The following SKAP1 variants were observed in gnomAD, a reference collection of about 807,000 sequenced individuals.
The protein encoded by SKAP1 is src kinase-associated phosphoprotein 1.
SKAP1 carries 44 observed loss-of-function variants against 58.5 expected under a neutral mutation model. That is an observed-to-expected ratio of 0.75 (90% CI 0.59 to 0.97). The LOEUF is 0.97. Ranked by LOEUF, SKAP1 falls within the 50% of genes least tolerant of loss-of-function variation. The pLI, the probability that SKAP1 is intolerant of heterozygous loss-of-function variation, is 0.00. For missense variants in SKAP1, 390 were observed against 435.2 expected (o/e 0.90, Z 0.92); for synonymous variants, 127 against 149.7 (o/e 0.85, Z 1.11).
At chr17:48,242,582 A>AT (rs1283723786) in intron 4 of SKAP1, among the ~76,000 whole-genome samples, 1 of 152,074 alleles carries the variant, frequency 6.6e-6, no homozygotes, top group Non-Finnish European at 1.5e-5. Flanking sequence ...AACACTCTCC[A>AT]TTTTTTATTT....
At chr17:48,303,122 C>T (rs181685737) in intron 4 of SKAP1, among the ~76,000 whole-genome samples, 3 of 152,274 alleles carry the variant, frequency 2.0e-5, no homozygotes. Context: ...AGTCACTGAA[C>T]AGATTGTTCT....
chr17:48,281,012 T>A (rs1470721274), intron 4 of SKAP1, among the ~76,000 whole-genome samples: 7 of 151,928 alleles, frequency 4.6e-5, no homozygotes, highest in Admixed American at 3.9e-4. Context: ...CAGGTTTTTT[T>A]ACTTTTTTAT....
chr17:48,413,240 C>T (rs932165373), intron 1 of SKAP1, among the ~76,000 whole-genome samples: 4 of 151,660 alleles, frequency 2.6e-5, no homozygotes, highest in Admixed American at 6.6e-5. Context: ...CAGGGCTGGG[C>T]GCAGTAGCTC....
chr17:48,371,061 A>C (rs1385780342), intron 2 of SKAP1, among the ~76,000 whole-genome samples: 2 of 152,222 alleles, frequency 1.3e-5, no homozygotes, highest in Non-Finnish European at 2.9e-5. Flanking sequence ...TCTCACTTAT[A>C]AGCGGGAGCT....
chr17:48,254,896 G>A (rs1344801043), intron 4 of SKAP1, among the ~76,000 whole-genome samples: 1 of 151,930 alleles, frequency 6.6e-6, no homozygotes, highest in Non-Finnish European at 1.5e-5. Flanking sequence ...TCTATGATAT[G>A]ATCCCAAGAG....
chr17:48,426,347 C>T (rs189262481), intron 1 of SKAP1, among the ~76,000 whole-genome samples: 15 of 152,322 alleles, frequency 9.8e-5, no homozygotes, highest in Admixed American at 9.2e-4. Context: ...GGATTTAGTA[C>T]CATGTAGGCA....
intron 11 of SKAP1, among the ~76,000 whole-genome samples, chr17:48,139,199 T>A (rs942762429): frequency 6.7e-6 from 1 of 148,618 alleles, no homozygotes; most frequent in Non-Finnish European, 1.5e-5. Context: ...TTTTTTTTTT[T>A]GAGATGGAGT....
At chr17:48,228,499 C>T (rs2065093877) in intron 4 of SKAP1, among the ~76,000 whole-genome samples, 1 of 152,042 alleles carries the variant, frequency 6.6e-6, no homozygotes, top group Non-Finnish European at 1.5e-5. Context: ...CAAATCATAC[C>T]CAATAGATAG....
intron 4 of SKAP1, among the ~76,000 whole-genome samples, chr17:48,343,402 T>C (rs1947750037): frequency 6.6e-6 from 1 of 152,296 alleles, no homozygotes; most frequent in East Asian, 1.9e-4. Flanking sequence ...ATTGTGCCTG[T>C]TATGTATTAG....
rs145314055 is a variant in SKAP1 at position 48,173,221 on chromosome 17, A to AATAT, written c.827-2566_827-2563dup. Reference sequence around the variant, plus strand: ...AAAGGACGGATACTCTGGGAAATAAAATATATATATATATGCCCTACAATA... The same window carrying AATAT: ...AAAGGACGGATACTCTGGGAAATAAAATATATATATATATATATGCCCTACAATA... On this transcript the variant is annotated intron_variant, in intron 9 of 12. Transcript: ENST00000336915. Among the ~76,000 whole-genome samples the AATAT allele has an allele frequency of 8.2e-4, 124 of 151,102 alleles. 2 individuals are homozygous for AATAT. The highest frequency in any genetic ancestry group is 2.9e-3 in the African/African-American group (118 of 41,180).
intron 4 of SKAP1, among the ~76,000 whole-genome samples, chr17:48,244,842 T>C (rs2143840148): frequency 6.6e-6 from 1 of 152,334 alleles, no homozygotes; most frequent in East Asian, 1.9e-4. Flanking sequence ...AAGAGCTGAA[T>C]AGTGTCATGG....
intron 4 of SKAP1, among the ~76,000 whole-genome samples, chr17:48,234,236 CA>C (rs1567831647): frequency 6.6e-6 from 1 of 152,210 alleles, no homozygotes; most frequent in African/African-American, 2.4e-5. Context: ...AACTTGATGT[CA>C]GCCCTCAGCT....
chr17:48,210,843 A>G (rs1453621075), intron 4 of SKAP1, among the ~76,000 whole-genome samples: 1 of 152,112 alleles, frequency 6.6e-6, no homozygotes, highest in Non-Finnish European at 1.5e-5. Flanking sequence ...TCTATTCCTC[A>G]TAGTCTCCTC....
At chr17:48,151,566 A>G (rs750965919) in intron 11 of SKAP1, among the ~76,000 whole-genome samples, 29 of 152,224 alleles carry the variant, frequency 1.9e-4, no homozygotes, top group Non-Finnish European at 3.1e-4. Context: ...TGAAATGCTG[A>G]ATATTAATTG....
chr17:48,275,865 T>G (rs2065693030), intron 4 of SKAP1, among the ~76,000 whole-genome samples: 1 of 152,220 alleles, frequency 6.6e-6, no homozygotes, highest in Non-Finnish European at 1.5e-5. Context: ...GCCTAAATCA[T>G]GTGGTTGGAC....
intron 4 of SKAP1, among the ~76,000 whole-genome samples, chr17:48,220,969 T>C (rs1185832226): frequency 1.3e-5 from 2 of 150,754 alleles, no homozygotes; most frequent in Non-Finnish European, 3.0e-5. Flanking sequence ...GTGTTCACTT[T>C]GTTAAAAAAA....
chr17:48,423,941 T>C (rs1380068707), intron 1 of SKAP1, among the ~76,000 whole-genome samples: 1 of 151,712 alleles, frequency 6.6e-6, no homozygotes, highest in Non-Finnish European at 1.5e-5. Flanking sequence ...TTTTAAGACA[T>C]TAGGGTAAAA....
intron 10 of SKAP1, 112 bp from the exon 11 acceptor site, chr17:48,162,681 A>C: frequency 1.4e-6 from 1 of 698,550 alleles, no homozygotes; most frequent in South Asian, 1.8e-5. Flanking sequence ...AGGAAACCTC[A>C]GATTAAGGGG....
At chr17:48,168,857 G>C (rs1163267154) in intron 10 of SKAP1, among the ~76,000 whole-genome samples, 7 of 152,174 alleles carry the variant, frequency 4.6e-5, no homozygotes, top group African/African-American at 1.7e-4. Flanking sequence ...TTGGATTTAT[G>C]TATTTTTCAC....
Sources: gnomAD v4.1 joint callset for allele counts (sites outside exome capture counted in the v4.1 genomes callset) on GRCh38, gnomAD v4.1.1 for gene constraint, MANE v1.5 for transcripts, NCBI Gene and HGNC (gene_info 2026-07-23, HGNC 2026-07-21) for gene names.